The following RAB18 variants were observed in gnomAD, a reference collection of about 807,000 sequenced individuals.
RAB18 encodes RAB18, member RAS oncogene family, also known as ras-related protein Rab-18.
RAB18 carries 10 observed loss-of-function variants against 28.5 expected under a neutral mutation model. That is an observed-to-expected ratio of 0.35 (90% CI 0.22 to 0.60). The LOEUF (loss-of-function observed/expected upper bound fraction) is 0.60. Among genes scored for constraint, RAB18 ranks in the 20% least tolerant of loss-of-function variants. The pLI is 0.78. For synonymous variants in RAB18, 93 were observed against 86.9 expected (o/e 1.07, Z -0.39); for missense variants, 188 against 244.2 (o/e 0.77, Z 1.53).
Position 27,538,534 on chromosome 10 carries a change from ATTCTTT to A in RAB18, c.*486_*491del. The A allele has an allele frequency of 2.2e-6, 1 of 454,554 alleles. No individual in the cohort carries two copies. Among genetic ancestry groups the A allele is most frequent in the South Asian group, 1.6e-5 (1 of 64,476 alleles). The allele number at this position is 454,554 out of a possible 1,614,324, so 28.2% of individuals were successfully genotyped here. ...CCACAGCTTTTCTGGGATGTTTGAG[ATTCTTT>A]TTTAGTACTAAGCAAAATTCTCATC... is the stretch of plus-strand genomic sequence containing the variant. On this transcript the variant is annotated 3_prime_UTR_variant, in exon 7 of 7. Coordinates refer to ENST00000356940, the MANE Select transcript of RAB18 (RefSeq NM_021252.5).
chr10:27,509,859 T>C lies in RAB18; in HGVS notation c.69-16T>C. 1 of 1,607,412 alleles carries C rather than the reference T, an allele frequency of 6.2e-7. No individual in the cohort carries two copies. Among genetic ancestry groups the C allele is most frequent in the Non-Finnish European group, 8.5e-7 (1 of 1,174,566 alleles). On this transcript the variant is annotated splice_polypyrimidine_tract_variant and intron_variant, in intron 1 of 6. Transcript: ENST00000356940. ...AAATTCAAGTTCCCAACCTGTCTTT[T>C]TAATATCTCTTTCAGCCTGCTCTTG...
At chr10:27,515,021 T>TC in intron 2 of RAB18, among the ~76,000 whole-genome samples, 1 of 152,306 alleles carries the variant, frequency 6.6e-6, no homozygotes, top group East Asian at 1.9e-4. Context: ...TACCTTGGCC[T>TC]CCCAAAGTGC....
At position 27,541,707 on chromosome 10, in the gene RAB18, A is replaced by G. The variant is rs1282461208; in HGVS notation, c.*3656A>G. ...TAGTTTTTTTTGTGTTTCTTTGATT[A>G]CTAGTGAGCTTGAGTACTTTTAATA... On this transcript the variant is annotated 3_prime_UTR_variant, in exon 7 of 7. Coordinates refer to ENST00000356940, the MANE Select transcript of RAB18 (RefSeq NM_021252.5). 2.2e-6 allele frequency: 1 copy of G among 447,830 alleles called. No individual in the cohort carries two copies. 27.7% of individuals were successfully genotyped at this position (447,830 alleles called of 1,614,324 possible).
In RAB18 at chr10:27,539,062, G is replaced by C; in HGVS notation, c.*1011G>C. ...TGCTTCCAGATTCTGATGTGTGAGG[G>C]AAAATACTGTCACAATGAAAATCTT... On this transcript the variant is annotated 3_prime_UTR_variant, in exon 7 of 7. Coordinates refer to ENST00000356940, the MANE Select transcript of RAB18 (RefSeq NM_021252.5). The C allele has an allele frequency of 2.3e-6, 1 of 427,778 alleles. No individual in the cohort carries two copies. The highest frequency in any genetic ancestry group is 4.7e-6 in the Non-Finnish European group (1 of 213,398). The allele number at this position is 427,778 out of a possible 1,614,324, so 26.5% of individuals were successfully genotyped here. A position where few individuals can be genotyped will look rare whatever the true frequency, so the allele number is the denominator to read the frequency against.
chr10:27,514,140 TC>T (rs2138981751), intron 2 of RAB18: 1 of 152,300 alleles, frequency 6.6e-6, no homozygotes, highest in East Asian at 1.9e-4. Context: ...AATATCAGGT[TC>T]TGGACAACCA....
chr10:27,518,984 C>A (rs1478215851), intron 2 of RAB18, among the ~76,000 whole-genome samples: 1 of 151,452 alleles, frequency 6.6e-6, no homozygotes, highest in Admixed American at 6.6e-5. Flanking sequence ...ATATGGATAT[C>A]CAGTTGTGCT....
rs1177368807 is a variant in RAB18, at chr10:27,539,933, TG to T, written c.*1883del. The T allele has an allele frequency of 2.2e-6, 1 of 453,086 alleles. No individual in the cohort carries two copies. Among genetic ancestry groups the T allele is most frequent in the Admixed American group, 2.4e-5 (1 of 42,418 alleles). 28.1% of individuals were successfully genotyped at this position (453,086 alleles called of 1,614,324 possible). A position where few individuals can be genotyped will look rare whatever the true frequency, so the allele number is the denominator to read the frequency against. ...TTATGTGGCTTTCATTTTGTTGTTTTGTTGCAAGCTTAGTGTTTTGTAGTGG... is the reference window on the plus strand; with the variant it reads ...TTATGTGGCTTTCATTTTGTTGTTTTTTGCAAGCTTAGTGTTTTGTAGTGG... On this transcript the variant is annotated 3_prime_UTR_variant, in exon 7 of 7. Transcript: ENST00000356940.
chr10:27,535,217 A>G (rs2132410889), intron 6 of RAB18, among the ~76,000 whole-genome samples: 2 of 152,290 alleles, frequency 1.3e-5, no homozygotes, highest in South Asian at 4.1e-4. Context: ...AATGTGGCCC[A>G]ACACAAATTT....
chr10:27,516,573 AAAAG>A (rs1460915532), intron 2 of RAB18, among the ~76,000 whole-genome samples: 1 of 151,982 alleles, frequency 6.6e-6, no homozygotes, highest in African/African-American at 2.4e-5. Flanking sequence ...GAAAAAAAAA[AAAAG>A]AGAGAAATCT....
At chr10:27,504,480 TTC>T (rs1837751609) in intron 1 of RAB18, 43 bp downstream of exon 1, 1 of 1,546,812 alleles carries the variant, frequency 6.5e-7, no homozygotes, top group Non-Finnish European at 8.8e-7. Context: ...GCTGGGCTCT[TTC>T]TGCCCCGGTG....
chr10:27,518,781 T>C (rs1834488680), intron 2 of RAB18, among the ~76,000 whole-genome samples: 1 of 152,148 alleles, frequency 6.6e-6, no homozygotes, highest in African/African-American at 2.4e-5. Context: ...TGATGAAATC[T>C]AACTTCTTAA....
At chr10:27,508,190 T>C (rs1837898488) in intron 1 of RAB18, among the ~76,000 whole-genome samples, 1 of 152,178 alleles carries the variant, frequency 6.6e-6, no homozygotes, top group Non-Finnish European at 1.5e-5. Context: ...GCTACCAGGG[T>C]ACCCCTGTCT....
chr10:27,505,198 A>G (rs974328279), intron 1 of RAB18: 2 of 522,542 alleles, frequency 3.8e-6, no homozygotes, highest in Non-Finnish European at 7.8e-6. Flanking sequence ...AAGGTAAGAC[A>G]TGGATCTAGG....
intron 4 of RAB18, 106 bp from the exon 5 acceptor site, chr10:27,533,629 G>C: frequency 7.5e-7 from 1 of 1,327,580 alleles, no homozygotes; most frequent in Non-Finnish European, 1.0e-6. Context: ...ATAAAAAAAA[G>C]ACTTGTCTAT....
Position 27,539,573 on chromosome 10 carries a change from T to C in RAB18, c.*1522T>C, listed in dbSNP as rs2132418517. On this transcript the variant is annotated 3_prime_UTR_variant, in exon 7 of 7. Transcript: ENST00000356940. ...TACTAGAAATTTGGAGAAAGAACACTAACACATGTACTTGTGATTTGTTCA... is the reference window on the plus strand; with the variant it reads ...TACTAGAAATTTGGAGAAAGAACACCAACACATGTACTTGTGATTTGTTCA... 2.4e-6 allele frequency: 1 copy of C among 425,410 alleles called. No homozygotes were observed. The highest frequency in any genetic ancestry group is 1.7e-5 in the South Asian group (1 of 58,156). 26.4% of individuals were successfully genotyped at this position (425,410 alleles called of 1,614,324 possible). A position where few individuals can be genotyped will look rare whatever the true frequency, so the allele number is the denominator to read the frequency against.
chr10:27,530,199 A>T (rs1028278371), intron 3 of RAB18, among the ~76,000 whole-genome samples: 1 of 152,004 alleles, frequency 6.6e-6, no homozygotes, highest in Non-Finnish European at 1.5e-5. Flanking sequence ...TCTTCCTGTT[A>T]TCAAAAAGTC....
At chr10:27,517,401 T>C (rs1055091419) in intron 2 of RAB18, among the ~76,000 whole-genome samples, 5 of 152,086 alleles carry the variant, frequency 3.3e-5, no homozygotes, top group African/African-American at 1.2e-4. Context: ...TACAGTAATA[T>C]TAGATTTGCT....
intron 3 of RAB18, among the ~76,000 whole-genome samples, chr10:27,527,720 C>T (rs1037619691): frequency 6.6e-6 from 1 of 152,052 alleles, no homozygotes; most frequent in African/African-American, 2.4e-5. Context: ...CTTATTTCCA[C>T]ATGGTGGTTA....
intron 3 of RAB18, 199 bp downstream of exon 3, chr10:27,527,088 C>T: frequency 1.4e-6 from 1 of 697,738 alleles, no homozygotes; most frequent in South Asian, 1.4e-5. Context: ...TTTAAATTTT[C>T]ACAATGCATA....
Sources: allele counts gnomAD v4.1 joint callset (sites outside exome capture counted in the v4.1 genomes callset), GRCh38; gene constraint gnomAD v4.1.1; transcripts MANE v1.5; gene names NCBI Gene and HGNC (gene_info 2026-07-23, HGNC 2026-07-21).